ARL10: variants seen among roughly 807,000 people sequenced by gnomAD.
ARL10 encodes ARF like GTPase 10, also known as ADP-ribosylation factor-like protein 10.
A neutral mutation model predicts 26.1 loss-of-function variants in ARL10; 23 were observed. That is an observed-to-expected ratio of 0.88 (90% CI 0.63 to 1.25). The LOEUF (loss-of-function observed/expected upper bound fraction) is 1.25, where lower values mean the gene tolerates loss of function less well. Ranked by LOEUF, ARL10 falls within the 50% of genes most tolerant of loss-of-function variation. The probability of loss-of-function intolerance (pLI) is 0.00; values close to 1 mark genes in which losing one functional copy is unlikely to be tolerated. For synonymous variants in ARL10, 138 were observed against 149.1 expected, an observed-to-expected ratio of 0.93 and a Z score of 0.54; for missense variants, 300 against 323.6, an observed-to-expected ratio of 0.93 and a Z score of 0.56.
intron 1 of ARL10, chr5:176,396,362 G>T: frequency 1.1e-6 from 1 of 946,272 alleles, no homozygotes; most frequent in South Asian, 1.3e-5. Flanking sequence ...CTCCTGTTCT[G>T]ACCATTGCTC....
rs924302186 is a variant in ARL10 at position 176,373,325 on chromosome 5, C to G, written c.*1430C>G. Reference sequence around the variant, plus strand: ...GTTCTCCAGTGCTTGGCGATCAGCCCAATTGAAGGACTGGCTCTGTACTGA... The same window carrying G: ...GTTCTCCAGTGCTTGGCGATCAGCCGAATTGAAGGACTGGCTCTGTACTGA... On this transcript the variant is annotated 3_prime_UTR_variant, in exon 4 of 4. Transcript: ENST00000310389. The G allele has an allele frequency of 6.6e-5, 22 of 334,022 alleles. No homozygotes were observed. The East Asian group carries it at 9.9e-4, about 15-fold the overall frequency. The allele number at this position is 334,022 out of a possible 1,614,324, so 20.7% of individuals were successfully genotyped here.
At chr5:176,384,252 C>T (rs1755650383), downstream of ARL10, 1 of 1,614,134 alleles carries the variant, frequency 6.2e-7, no homozygotes, top group Non-Finnish European at 8.5e-7. Flanking sequence ...CCATCTTCCT[C>T]TTCTGCAAAG....
At chr5:176,403,568 C>T (rs549019528), downstream of ARL10, among the ~76,000 whole-genome samples, 2 of 151,940 alleles carry the variant, frequency 1.3e-5, no homozygotes, top group African/African-American at 4.8e-5. Flanking sequence ...AATTCTCCTC[C>T]TCAGCCTCCC....
exon 2 of ARL10, chr5:176,388,604 ACTC>A (rs1756093895): frequency 1.4e-6 from 2 of 1,478,810 alleles, no homozygotes; most frequent in Non-Finnish European, 1.9e-6. Flanking sequence ...CGTGTAACAA[ACTC>A]CTTCCGGAAG....
chr5:176,404,813 T>C (rs1689719007), downstream of ARL10, among the ~76,000 whole-genome samples: 1 of 152,138 alleles, frequency 6.6e-6, no homozygotes. Context: ...CTCTGTGGCT[T>C]TGCACATGCT....
intron 1 of ARL10, chr5:176,397,815 C>T (rs1201521909): frequency 1.9e-5 from 28 of 1,484,278 alleles, no homozygotes; most frequent in South Asian, 1.5e-4. Flanking sequence ...GCCACAGGGC[C>T]GCACCGGCCC....
chr5:176,389,887 G>A (rs1756191108), downstream of ARL10: 1 of 166,272 alleles, frequency 6.0e-6, no homozygotes, highest in Non-Finnish European at 1.3e-5. Flanking sequence ...AGGGCACTTT[G>A]AAAGCAGAGA....
downstream of ARL10, chr5:176,388,788 T>A (rs1275067914): frequency 6.2e-7 from 1 of 1,603,478 alleles, no homozygotes; most frequent in Non-Finnish European, 8.5e-7. Flanking sequence ...GAGGTCGGAG[T>A]CCCGATTTTC....
downstream of ARL10, chr5:176,406,723 A>G (rs1486742777): frequency 7.8e-7 from 1 of 1,281,294 alleles, no homozygotes; most frequent in African/African-American, 1.5e-5. Flanking sequence ...AGAAAAGAGG[A>G]AGAAAGGAAG....
the ARL10 span, among the ~76,000 whole-genome samples, chr5:176,414,756 G>C: frequency 6.6e-6 from 1 of 152,164 alleles, no homozygotes; most frequent in African/African-American, 2.4e-5. Flanking sequence ...AAGATACTCA[G>C]ATTCTCTGGG....
Position 176,374,452 on chromosome 5 carries a change from G to A in ARL10, c.*2557G>A, listed in dbSNP as rs1237088285. 1 of 152,102 alleles carries A rather than the reference G, an allele frequency of 6.6e-6. No homozygotes were observed. Among genetic ancestry groups the A allele is most frequent in the African/African-American group, 2.4e-5 (1 of 41,402 alleles). 9.4% of individuals were successfully genotyped at this position (152,102 alleles called of 1,614,324 possible). On this transcript the variant is annotated 3_prime_UTR_variant, in exon 4 of 4. Transcript: ENST00000310389. ...TTGAGGTACAAAGGATGACTGCATT[G>A]GTGTACTTAAGACTACAACACATCA...
At chr5:176,413,394 T>C in the ARL10 span, among the ~76,000 whole-genome samples, 8 of 152,164 alleles carry the variant, frequency 5.3e-5, no homozygotes, top group Middle Eastern at 3.4e-3. Context: ...GAAAACTGGG[T>C]GTGAAAATGG....
chr5:176,402,171 G>A (rs1460091685), downstream of ARL10, among the ~76,000 whole-genome samples: 3 of 152,144 alleles, frequency 2.0e-5, no homozygotes, highest in East Asian at 3.9e-4. Flanking sequence ...GTGTGGTGGC[G>A]GACGCCTGTA....
downstream of ARL10, chr5:176,386,434 C>T (rs1264360726): frequency 3.3e-6 from 1 of 301,742 alleles, no homozygotes; most frequent in Non-Finnish European, 6.6e-6. Context: ...TACTCTCCTC[C>T]GTTTTAGCGT....
chr5:176,386,871 T>G (rs1755884561), downstream of ARL10: 2 of 1,614,114 alleles, frequency 1.2e-6, no homozygotes. Flanking sequence ...GTACAAGCTC[T>G]TTAGGCCTCT....
downstream of ARL10, among the ~76,000 whole-genome samples, chr5:176,404,375 G>A (rs192949725): frequency 2.2e-4 from 34 of 152,362 alleles, no homozygotes; most frequent in Middle Eastern, 3.4e-3. Flanking sequence ...AGAAGCGTCC[G>A]GGGCTGCAGA....
downstream of ARL10, chr5:176,388,784 G>A (rs375604823): frequency 7.9e-5 from 127 of 1,602,474 alleles, no homozygotes; most frequent in Non-Finnish European, 1.0e-4. Flanking sequence ...GGCTGAGGTC[G>A]GAGTCCCGAT....
the ARL10 span, chr5:176,410,313 G>C: frequency 3.5e-5 from 57 of 1,613,062 alleles, no homozygotes; most frequent in African/African-American, 5.3e-4. Flanking sequence ...GCTGGAAAGA[G>C]AACAAGGAGA....
downstream of ARL10, chr5:176,383,903 AG>A: frequency 7.1e-7 from 1 of 1,409,790 alleles, no homozygotes; most frequent in Admixed American, 2.6e-5. Flanking sequence ...GGGCAGCCCC[AG>A]GGTTTGGCTG....
Sources: allele counts gnomAD v4.1 joint callset (sites outside exome capture counted in the v4.1 genomes callset), GRCh38; gene constraint gnomAD v4.1.1; transcripts MANE v1.5; gene names NCBI Gene and HGNC (gene_info 2026-07-23, HGNC 2026-07-21).